LRRC36: variants seen among roughly 807,000 people sequenced by gnomAD.
LRRC36 encodes leucine rich repeat containing 36, also known as leucine-rich repeat-containing protein 36.
LRRC36 carries 62 observed loss-of-function variants against 81.1 expected under a neutral mutation model. The observed-to-expected ratio is 0.76, with a 90% CI of 0.62 to 0.94. LRRC36 has a LOEUF of 0.94. Ranked by LOEUF, LRRC36 falls within the 40% of genes least tolerant of loss-of-function variation. The pLI, the probability that LRRC36 is intolerant of heterozygous loss-of-function variation, is 0.00. For synonymous variants in LRRC36, 334 were observed against 348.6 expected (o/e 0.96, Z 0.47); for missense variants, 761 against 881.7 (o/e 0.86, Z 1.73).
chr16:67,366,970 C>G, intron 7 of LRRC36, 47 bp from the exon 8 acceptor site: 2 of 1,483,944 alleles, frequency 1.3e-6, no homozygotes, highest in Non-Finnish European at 1.8e-6. Context: ...AGCTAGGCCA[C>G]AAAGAATTCT....
At chr16:67,370,779 A>G (rs1476071919) in intron 8 of LRRC36, among the ~76,000 whole-genome samples, 165 bp from the exon 9 acceptor site, 1 of 152,118 alleles carries the variant, frequency 6.6e-6, no homozygotes, top group Non-Finnish European at 1.5e-5. Flanking sequence ...GGCTTGGAAC[A>G]TGTGGACGGT....
intron 5 of LRRC36, among the ~76,000 whole-genome samples, chr16:67,363,361 C>G (rs1311664217): frequency 2.0e-5 from 3 of 152,194 alleles, no homozygotes; most frequent in Admixed American, 6.5e-5. Flanking sequence ...TTTAACCTGG[C>G]TCAACCCTAA....
chr16:67,365,324 G>A lies in LRRC36; in HGVS notation c.723G>A (p.Arg241=). Residue 241 remains arginine (R), a synonymous_variant, in exon 7 of 14, where the codon AGG becomes AGA. Coordinates refer to ENST00000329956, the MANE Select transcript of LRRC36 (RefSeq NM_018296.6). ...TTTAGACACAGGAAGTAGCAAGAAGGGAGATGCCAAGTGACAATCACCAGG... is the reference window on the plus strand; with the variant it reads ...TTTAGACACAGGAAGTAGCAAGAAGAGAGATGCCAAGTGACAATCACCAGG... The part of the protein sequence containing the change: ...LGTQTQEVAR[R]EMPSDNHQED... 1.2e-6 allele frequency: 2 copies of A among 1,613,136 alleles called. No homozygotes were observed. The highest frequency in any genetic ancestry group is 1.7e-6 in the Non-Finnish European group (2 of 1,179,640).
chr16:67,352,941 C>G (rs1211022897), intron 5 of LRRC36, among the ~76,000 whole-genome samples: 1 of 152,090 alleles, frequency 6.6e-6, no homozygotes, highest in Admixed American at 6.6e-5. Context: ...CCCCCCTCAG[C>G]CTCCCAAAGT....
chr16:67,368,761 G>C (rs1055356362), intron 8 of LRRC36, among the ~76,000 whole-genome samples: 2 of 152,176 alleles, frequency 1.3e-5, no homozygotes, highest in Non-Finnish European at 2.9e-5. Flanking sequence ...TGGAATCAGC[G>C]TAACAGATGA....
At chr16:67,336,525 A>G (rs1361924299) in intron 1 of LRRC36, 1 of 152,198 alleles carries the variant, frequency 6.6e-6, no homozygotes, top group Non-Finnish European at 1.5e-5. Context: ...TAACAAATTT[A>G]TAGTGGTATC....
At position 67,371,702 on chromosome 16, in the gene LRRC36, C is replaced by G. The variant is rs540188946; in HGVS notation, c.1494+460C>G. 5.1e-4 allele frequency: 108 copies of G among 211,044 alleles called. 4 individuals carry two copies. In the Admixed American group the frequency reaches 5.5e-3, roughly 11 times the overall value. The allele number at this position is 211,044 out of a possible 1,614,324, so 13.1% of individuals were successfully genotyped here. A position where few individuals can be genotyped will look rare whatever the true frequency, so the allele number is the denominator to read the frequency against. ...CCAGGCCAACATGGCGAAACCCCATCTCTACTGAAAATACAAAAATTAGCT... is the reference window on the plus strand; with the variant it reads ...CCAGGCCAACATGGCGAAACCCCATGTCTACTGAAAATACAAAAATTAGCT... On this transcript the variant is annotated intron_variant, in intron 9 of 13. Coordinates refer to ENST00000329956, the MANE Select transcript of LRRC36 (RefSeq NM_018296.6).
In LRRC36 at chr16:67,341,015, T is replaced by C. The variant is rs569455506; in HGVS notation, c.71-942T>C. ...TATTATATATAGAATATGTATTCTATAGAATATGTACTCTACATATTCTAT... is the reference window on the plus strand; with the variant it reads ...TATTATATATAGAATATGTATTCTACAGAATATGTACTCTACATATTCTAT... On this transcript the variant is annotated intron_variant, in intron 1 of 13. Transcript: ENST00000329956. Among the ~76,000 whole-genome samples, 60 of 109,994 alleles carry C rather than the reference T, an allele frequency of 5.5e-4. 4 individuals are homozygous for C. Among genetic ancestry groups the C allele is most frequent in the Middle Eastern group, 0.014 (1 of 74 alleles). The allele number at this position is 109,994 out of a possible 152,430, so 72.2% of individuals were successfully genotyped here. A position where few individuals can be genotyped will look rare whatever the true frequency, so the allele number is the denominator to read the frequency against.
At chr16:67,354,077 T>C (rs756884152) in intron 5 of LRRC36, among the ~76,000 whole-genome samples, 1 of 152,176 alleles carries the variant, frequency 6.6e-6, no homozygotes, top group Non-Finnish European at 1.5e-5. Context: ...AATTTGTCTC[T>C]TCAGCCTAAG....
rs77755444 is a variant in LRRC36 at position 67,347,861 on chromosome 16, T to C, written c.488+270T>C. Among the ~76,000 whole-genome samples the C allele has an allele frequency of 6.3e-3, 960 of 152,330 alleles. 8 individuals carry two copies. The highest frequency in any genetic ancestry group is 0.022 in the African/African-American group (897 of 41,566). Reference sequence around the variant, plus strand: ...GTTCACAGGTTATAGATAGGGATACTATGAGATTACTTATTCCTATAAATG... The same window carrying C: ...GTTCACAGGTTATAGATAGGGATACCATGAGATTACTTATTCCTATAAATG... On this transcript the variant is annotated intron_variant, in intron 4 of 13. Coordinates refer to ENST00000329956, the MANE Select transcript of LRRC36 (RefSeq NM_018296.6).
intron 1 of LRRC36, among the ~76,000 whole-genome samples, chr16:67,327,889 G>A (rs766442557): frequency 3.3e-5 from 5 of 152,122 alleles, no homozygotes; most frequent in Non-Finnish European, 5.9e-5. Flanking sequence ...TTAGCAACAT[G>A]GAACTTACTG....
At chr16:67,333,212 C>A (rs745649870) in intron 1 of LRRC36, among the ~76,000 whole-genome samples, 4 of 152,150 alleles carry the variant, frequency 2.6e-5, no homozygotes, top group Non-Finnish European at 4.4e-5. Flanking sequence ...CAGCTCACTG[C>A]AACCTCTATC....
At chr16:67,326,967 G>T in intron 1 of LRRC36, 35 bp downstream of exon 1, 1 of 1,482,658 alleles carries the variant, frequency 6.7e-7, no homozygotes, top group Non-Finnish European at 8.9e-7. Context: ...GACTGGGAAC[G>T]TAGGGTCAGA....
At chr16:67,368,457 G>A (rs2142115614) in intron 8 of LRRC36, among the ~76,000 whole-genome samples, 1 of 152,320 alleles carries the variant, frequency 6.6e-6, no homozygotes. Flanking sequence ...AGCCATGTGG[G>A]TCTGGGAGGA....
At position 67,366,608 on chromosome 16, in the gene LRRC36, G is replaced by A. The variant is rs539038245; in HGVS notation, c.755-409G>A. Among the ~76,000 whole-genome samples the A allele has an allele frequency of 3.9e-5, 6 of 152,200 alleles. No individual in the cohort carries two copies. The South Asian group carries it at 1.2e-3, about 32-fold the overall frequency. On this transcript the variant is annotated intron_variant, in intron 7 of 13. Coordinates refer to ENST00000329956, the MANE Select transcript of LRRC36 (RefSeq NM_018296.6). The stretch of plus-strand genomic sequence containing the variant: ...CTACTAAAAATACAAAAGCTAGCTG[G>A]GCATGGTGGCATGTGCCTGTAATCC...
chr16:67,362,310 G>A, intron 5 of LRRC36: 1 of 350,846 alleles, frequency 2.9e-6, no homozygotes, highest in South Asian at 2.0e-5. Context: ...TTACAGGTGT[G>A]CACCATAACG....
intron 5 of LRRC36, among the ~76,000 whole-genome samples, chr16:67,362,860 C>T (rs961119398): frequency 6.6e-6 from 1 of 152,064 alleles, no homozygotes; most frequent in African/African-American, 2.4e-5. Flanking sequence ...TCACTGCAAC[C>T]TCCACCTCCC....
At chr16:67,328,880 A>G (rs2037337761) in intron 1 of LRRC36, among the ~76,000 whole-genome samples, 1 of 152,072 alleles carries the variant, frequency 6.6e-6, no homozygotes, top group Admixed American at 6.6e-5. Flanking sequence ...GATTTCCTCC[A>G]TAAATATTTC....
intron 2 of LRRC36, 38 bp downstream of exon 2, chr16:67,342,122 A>ACT: frequency 1.4e-6 from 2 of 1,449,736 alleles, no homozygotes; most frequent in Non-Finnish European, 1.8e-6. Context: ...GGTCTGCCCA[A>ACT]TTTATTTTTT....
Sources: gnomAD v4.1 joint callset for allele counts (sites outside exome capture counted in the v4.1 genomes callset) on GRCh38, gnomAD v4.1.1 for gene constraint, MANE v1.5 for transcripts, NCBI Gene and HGNC (gene_info 2026-07-23, HGNC 2026-07-21) for gene names.